The following TERF2 variants were observed in gnomAD, a reference collection of about 807,000 sequenced individuals.
TERF2 encodes telomeric repeat-binding factor 2.
In TERF2, 16 loss-of-function variants were observed where a neutral mutation model predicts 56.1. The ratio of observed to expected loss-of-function variants is 0.29; its 90% CI spans 0.19 to 0.43. TERF2 has a LOEUF of 0.43. TERF2 is among the 20% of genes least tolerant of loss of function. The probability of loss-of-function intolerance (pLI) is 1.00; values close to 1 mark genes in which losing one functional copy is unlikely to be tolerated. For missense variants in TERF2, 547 were observed against 712.9 expected (o/e 0.77, Z 2.65); for synonymous variants, 296 against 282.1 (o/e 1.05, Z -0.50).
At chr16:69,357,414 GTT>G (rs886864904) in intron 9 of TERF2, 102 bp downstream of exon 9, 2 of 926,874 alleles carry the variant, frequency 2.2e-6, no homozygotes, top group Non-Finnish European at 3.3e-6. Context: ...TCAAAAAAAG[GTT>G]TTTACTGGGT....
chr16:69,358,461 A>G (rs2013003801), intron 8 of TERF2, among the ~76,000 whole-genome samples: 1 of 152,202 alleles, frequency 6.6e-6, no homozygotes, highest in Non-Finnish European at 1.5e-5. Context: ...ATCGTTTTCT[A>G]AAATTACTGA....
At chr16:69,378,950 T>TGGGGG (rs138150878) in intron 3 of TERF2, among the ~76,000 whole-genome samples, 21 of 141,922 alleles carry the variant, frequency 1.5e-4, no homozygotes, top group African/African-American at 5.5e-4. Context: ...TAATTTCCTG[T>TGGGGG]GGGGGGGGGG....
chr16:69,360,620 A>G (rs183610392), intron 8 of TERF2, among the ~76,000 whole-genome samples: 3 of 146,004 alleles, frequency 2.1e-5, no homozygotes, highest in Admixed American at 7.1e-5. Flanking sequence ...AGGTGGGAGA[A>G]TTGCTTTAGC....
chr16:69,379,600 G>A (rs1438005272), intron 3 of TERF2, among the ~76,000 whole-genome samples: 4 of 152,068 alleles, frequency 2.6e-5, no homozygotes, highest in African/African-American at 7.2e-5. Flanking sequence ...TTCTTAAAAC[G>A]TTACTGCAGA....
chr16:69,379,935 A>G (rs2142762617), intron 3 of TERF2, among the ~76,000 whole-genome samples: 1 of 152,026 alleles, frequency 6.6e-6, no homozygotes, highest in African/African-American at 2.4e-5. Context: ...TTTTTGAGAC[A>G]GAGTTTTGCT....
intron 3 of TERF2, among the ~76,000 whole-genome samples, chr16:69,384,064 C>A (rs972695214): frequency 6.6e-6 from 1 of 152,174 alleles, no homozygotes; most frequent in Non-Finnish European, 1.5e-5. Context: ...ACTGCCTGTG[C>A]CGGATTTCTA....
chr16:69,367,077 A>G lies in TERF2; in HGVS notation c.1070T>C (p.Leu357Pro), dbSNP rs1174778934. The G allele has an allele frequency of 1.9e-6, 3 of 1,614,234 alleles. No individual in the cohort carries two copies. Among genetic ancestry groups the G allele is most frequent in the Non-Finnish European group, 8.5e-7 (1 of 1,180,038 alleles). ...TGATGCTGGGAGAGCTTGAGTAGGAAGAACCAGATCCTTCTGGTCCAGTTT... is the reference window on the plus strand; with the variant it reads ...TGATGCTGGGAGAGCTTGAGTAGGAGGAACCAGATCCTTCTGGTCCAGTTT... ...FAKLDQKDLVLPTQALPASPA... is the reference protein window; with the variant it reads ...FAKLDQKDLVPPTQALPASPA... Residue 357 changes from leucine (L) to proline (P), a missense_variant, in exon 7 of 10, where the codon CTT (leucine) becomes CCT (proline). Leu to Pro is a moderately conservative substitution (Grantham distance 98, BLOSUM62 -3). This residue lies in a region of TERF2 where 211 missense variants were observed against 236.8 expected (regional missense o/e 0.89). Coordinates refer to ENST00000254942, the MANE Select transcript of TERF2 (RefSeq NM_005652.5).
intron 3 of TERF2, among the ~76,000 whole-genome samples, chr16:69,382,546 G>A (rs577043146): frequency 6.6e-6 from 1 of 152,176 alleles, no homozygotes; most frequent in Non-Finnish European, 1.5e-5. Flanking sequence ...AGCATATGGT[G>A]GAAGTGATAA....
intron 2 of TERF2, 112 bp from the exon 3 acceptor site, chr16:69,384,822 T>C: frequency 1.9e-6 from 2 of 1,027,538 alleles, no homozygotes; most frequent in Admixed American, 7.1e-5. Flanking sequence ...TATGGTAAGA[T>C]TTGCATTTAA....
chr16:69,365,151 C>G (rs569753538), intron 7 of TERF2: 1 of 152,268 alleles, frequency 6.6e-6, no homozygotes, highest in Non-Finnish European at 1.5e-5. Context: ...TAATCTCGCA[C>G]TCTCCTGTTT....
At chr16:69,378,642 T>C (rs1401246237) in intron 3 of TERF2, among the ~76,000 whole-genome samples, 1 of 152,106 alleles carries the variant, frequency 6.6e-6, no homozygotes, top group Admixed American at 6.6e-5. Flanking sequence ...AAGGAAAAAA[T>C]GGTAAACTAT....
chr16:69,377,041 A>G (rs1182202578), intron 3 of TERF2, among the ~76,000 whole-genome samples: 1 of 151,594 alleles, frequency 6.6e-6, no homozygotes, highest in Non-Finnish European at 1.5e-5. Context: ...TCTCTACTAA[A>G]AACACACAAA....
At chr16:69,373,394 TAATA>T (rs2013649130) in intron 3 of TERF2, among the ~76,000 whole-genome samples, 1 of 152,230 alleles carries the variant, frequency 6.6e-6, no homozygotes, top group Non-Finnish European at 1.5e-5. Context: ...AAGGAAGTTA[TAATA>T]TATATGAACA....
At chr16:69,360,748 T>TAA (rs932199596) in intron 8 of TERF2, among the ~76,000 whole-genome samples, 2 of 151,206 alleles carry the variant, frequency 1.3e-5, no homozygotes, top group Admixed American at 6.6e-5. Flanking sequence ...TAGAAACTGT[T>TAA]AAGATTTTTT....
intron 7 of TERF2, among the ~76,000 whole-genome samples, chr16:69,363,843 T>C (rs1205846357): frequency 6.6e-6 from 1 of 152,018 alleles, no homozygotes; most frequent in African/African-American, 2.4e-5. Flanking sequence ...GGCACGCACC[T>C]GTGGTCCCAG....
In TERF2 at chr16:69,356,328, A is replaced by C; in HGVS notation, c.*570T>G. ...ATTTAAGCAAACCACTAAAGAAGGG[A>C]AACGCTAATGATATTCTGGCACTGC... On this transcript the variant is annotated 3_prime_UTR_variant, in exon 10 of 10. Coordinates refer to ENST00000254942, the MANE Select transcript of TERF2 (RefSeq NM_005652.5). The C allele has an allele frequency of 2.6e-6, 1 of 389,328 alleles. No individual in the cohort carries two copies. Among genetic ancestry groups the C allele is most frequent in the Non-Finnish European group, 5.1e-6 (1 of 197,864 alleles). 24.1% of individuals were successfully genotyped at this position (389,328 alleles called of 1,614,324 possible).
chr16:69,369,699 T>A (rs1378436735), intron 5 of TERF2, among the ~76,000 whole-genome samples: 1 of 152,244 alleles, frequency 6.6e-6, no homozygotes, highest in Non-Finnish European at 1.5e-5. Flanking sequence ...TTCCCTATGC[T>A]GTCCTGAGCC....
In TERF2 at chr16:69,367,174, T is replaced by A; in HGVS notation, c.973A>T (p.Ile325Phe). ...GCTGCTTTCAGAGTCATCATTCCAA[T>A]GGTGGTTGGAGGATTCCGTAGCTGC... The part of the protein sequence containing the change: ...ARQLRNPPTT[I>F]GMMTLKAAFK... Residue 325 changes from isoleucine to phenylalanine, a missense_variant, in exon 7 of 10, where the codon ATT (isoleucine) becomes TTT (phenylalanine). Physicochemically the swap from Ile to Phe is conservative, Grantham distance 21. This residue lies in a region of TERF2 where 211 missense variants were observed against 236.8 expected (regional missense o/e 0.89). Coordinates refer to ENST00000254942, the MANE Select transcript of TERF2 (RefSeq NM_005652.5). 1 of 1,612,630 alleles carries A rather than the reference T, an allele frequency of 6.2e-7. No homozygotes were observed. Among genetic ancestry groups the A allele is most frequent in the East Asian group, 2.2e-5 (1 of 44,848 alleles).
At position 69,385,379 on chromosome 16, in the gene TERF2, A is replaced by C. The variant is rs760635682; in HGVS notation, c.475+12T>G. 6.2e-7 allele frequency: 1 copy of C among 1,611,960 alleles called. No individual in the cohort carries two copies. Among genetic ancestry groups the C allele is most frequent in the Non-Finnish European group, 8.5e-7 (1 of 1,178,296 alleles). Reference sequence around the variant, plus strand: ...CAAGTAAGCCCAGAGAAGAACACAAAAATAGCCATACCTAAATTTTCCCCT... The same window carrying C: ...CAAGTAAGCCCAGAGAAGAACACAACAATAGCCATACCTAAATTTTCCCCT... On this transcript the variant is annotated intron_variant, in intron 2 of 9. Transcript: ENST00000254942.
Sources: gnomAD v4.1 joint callset for allele counts (sites outside exome capture counted in the v4.1 genomes callset) on GRCh38, gnomAD v4.1.1 for gene constraint, gnomAD v4.1.1 regional missense constraint, MANE v1.5 for transcripts, NCBI Gene and HGNC (gene_info 2026-07-23, HGNC 2026-07-21) for gene names.